VAV3: variants seen among roughly 807,000 people sequenced by gnomAD.
VAV3 encodes the protein vav guanine nucleotide exchange factor 3.
VAV3 carries 94 observed loss-of-function variants against 131.2 expected under a neutral mutation model. The ratio of observed to expected loss-of-function variants is 0.72; its 90% CI spans 0.61 to 0.85. The LOEUF (loss-of-function observed/expected upper bound fraction) is 0.85. VAV3 is among the 40% of genes least tolerant of loss of function. The pLI, the probability that VAV3 is intolerant of heterozygous loss-of-function variation, is 0.00. For synonymous variants in VAV3, 349 were observed against 342.0 expected, an observed-to-expected ratio of 1.02 and a Z score of -0.22; for missense variants, 939 against 1,002.7, an observed-to-expected ratio of 0.94 and a Z score of 0.86.
chr1:107,890,910 G>A (rs1396450458), intron 1 of VAV3, among the ~76,000 whole-genome samples: 1 of 152,138 alleles, frequency 6.6e-6, no homozygotes, highest in Non-Finnish European at 1.5e-5. Flanking sequence ...TGTTTCTTCA[G>A]TAGTTATTCA....
chr1:107,881,187 C>T (rs1670761775), intron 1 of VAV3, among the ~76,000 whole-genome samples: 1 of 152,010 alleles, frequency 6.6e-6, no homozygotes, highest in African/African-American at 2.4e-5. Flanking sequence ...ACAAGGACAA[C>T]CAGGACATTA....
At chr1:107,915,487 C>T (rs1672567276) in intron 1 of VAV3, among the ~76,000 whole-genome samples, 3 of 152,106 alleles carry the variant, frequency 2.0e-5, no homozygotes, top group African/African-American at 7.2e-5. Context: ...AGAGGCAGGT[C>T]CCAATCCTAT....
chr1:107,772,821 C>A lies in VAV3; in HGVS notation c.469G>T (p.Glu157Ter). ...CCATAAACACAGTCATAGAGATCTT[C>A]TTCATCTTCCACAAGGGTTTCACTA... ...LIDETLVEDE[E>*]DLYDCVYGED... The change falls in exon 5 of 27, where the codon GAA becomes TAA. Residue 157 changes from glutamate (E) to a stop codon, truncating the protein, a stop_gained. Transcript: ENST00000370056. LOFTEE classifies it high-confidence loss of function. 2 of 1,613,556 alleles carry A rather than the reference C, an allele frequency of 1.2e-6. No homozygotes were observed. The highest frequency in any genetic ancestry group is 1.7e-6 in the Non-Finnish European group (2 of 1,179,770).
chr1:107,762,113 C>G (rs1411365512), intron 9 of VAV3, among the ~76,000 whole-genome samples: 1 of 104,618 alleles, frequency 9.6e-6, no homozygotes, highest in South Asian at 3.1e-4. Context: ...CTATGGTGTT[C>G]TTCAAAAAAA....
chr1:107,840,999 C>T (rs1668680235), intron 2 of VAV3, among the ~76,000 whole-genome samples: 1 of 152,056 alleles, frequency 6.6e-6, no homozygotes, highest in Non-Finnish European at 1.5e-5. Context: ...AATGAGACTA[C>T]TGCCATGGTC....
chr1:107,768,777 A>G (rs997728170), intron 6 of VAV3, among the ~76,000 whole-genome samples: 1 of 152,226 alleles, frequency 6.6e-6, no homozygotes, highest in Admixed American at 6.5e-5. Context: ...GAAGGAAGAA[A>G]AGAACATTAT....
intron 1 of VAV3, among the ~76,000 whole-genome samples, chr1:107,935,883 G>GA (rs1673686387): frequency 6.6e-6 from 1 of 152,112 alleles, no homozygotes; most frequent in Non-Finnish European, 1.5e-5. Context: ...TGGTCTAATG[G>GA]AAGGGAGATA....
intron 15 of VAV3, among the ~76,000 whole-genome samples, chr1:107,709,396 G>A (rs947877329): frequency 6.6e-6 from 1 of 152,110 alleles, no homozygotes; most frequent in Non-Finnish European, 1.5e-5. Flanking sequence ...TAGAAAGATG[G>A]AAGAAGTAAA....
chr1:107,642,244 A>C (rs1366123355), intron 20 of VAV3, among the ~76,000 whole-genome samples: 1 of 152,174 alleles, frequency 6.6e-6, no homozygotes, highest in Non-Finnish European at 1.5e-5. Flanking sequence ...AACAGGTTGC[A>C]GTAAAGAAGC....
chr1:107,682,878 CTG>C (rs1658748014), intron 19 of VAV3, among the ~76,000 whole-genome samples: 1 of 152,124 alleles, frequency 6.6e-6, no homozygotes, highest in Non-Finnish European at 1.5e-5. Context: ...GGTAATTAAA[CTG>C]TGGAAAGAAG....
intron 4 of VAV3, among the ~76,000 whole-genome samples, chr1:107,774,594 A>C (rs185121244): frequency 1.3e-5 from 2 of 152,330 alleles, no homozygotes; most frequent in African/African-American, 4.8e-5. Context: ...TGGTCAATAA[A>C]TCAAAAACAA....
At chr1:107,656,995 A>C (rs1656616301) in intron 19 of VAV3, among the ~76,000 whole-genome samples, 2 of 123,606 alleles carry the variant, frequency 1.6e-5, no homozygotes. Flanking sequence ...GCTCTGTCAC[A>C]CAGGCTGGAG....
chr1:107,848,190 G>A (rs541639702), intron 2 of VAV3, among the ~76,000 whole-genome samples: 39 of 152,020 alleles, frequency 2.6e-4, no homozygotes, highest in African/African-American at 9.2e-4. Flanking sequence ...GCAGGTGCCT[G>A]TAGTCCCAGC....
In VAV3 at chr1:107,906,361, T is replaced by A. The variant is rs1672107049; in HGVS notation, c.205-31344A>T. On this transcript the variant is annotated intron_variant, in intron 1 of 26. Transcript: ENST00000370056. The stretch of plus-strand genomic sequence containing the variant: ...CAACATAAGCTTCACAACTGGGAAG[T>A]CTTGTATAAAATAACAAATCGGGCT... Among the ~76,000 whole-genome samples the A allele has an allele frequency of 3.9e-5, 6 of 152,096 alleles. No individual in the cohort carries two copies. The South Asian group carries it at 1.2e-3, about 32-fold the overall frequency.
At chr1:107,859,620 A>C (rs113493476) in intron 2 of VAV3, among the ~76,000 whole-genome samples, 3 of 152,298 alleles carry the variant, frequency 2.0e-5, no homozygotes, top group Non-Finnish European at 2.9e-5. Flanking sequence ...AAAATCCCCT[A>C]AATTACAGAA....
At chr1:107,869,939 T>A (rs1282455088) in intron 2 of VAV3, among the ~76,000 whole-genome samples, 4 of 152,226 alleles carry the variant, frequency 2.6e-5, no homozygotes, top group African/African-American at 7.2e-5. Context: ...AATAATAGTC[T>A]CCAGTTCCAT....
At chr1:107,868,374 AT>A (rs1438824470) in intron 2 of VAV3, among the ~76,000 whole-genome samples, 1 of 152,170 alleles carries the variant, frequency 6.6e-6, no homozygotes, top group East Asian at 1.9e-4. Flanking sequence ...CTTTCAAGCC[AT>A]GCCAAGGTGA....
intron 17 of VAV3, among the ~76,000 whole-genome samples, chr1:107,688,984 A>G (rs1224947724): frequency 6.6e-6 from 1 of 152,150 alleles, no homozygotes; most frequent in African/African-American, 2.4e-5. Flanking sequence ...TTTTCTTTTC[A>G]TATTTAGTTT....
chr1:107,941,337 T>G (rs1277106231), intron 1 of VAV3, among the ~76,000 whole-genome samples: 3 of 152,124 alleles, frequency 2.0e-5, no homozygotes, highest in Non-Finnish European at 4.4e-5. Context: ...AAGCAGAAAT[T>G]TTTAGTCTTG....
Sources: allele counts gnomAD v4.1 joint callset (sites outside exome capture counted in the v4.1 genomes callset), GRCh38; gene constraint gnomAD v4.1.1; transcripts MANE v1.5; gene names NCBI Gene and HGNC (gene_info 2026-07-23, HGNC 2026-07-21).